The following RBFOX1 variants were observed in gnomAD, a reference collection of about 807,000 sequenced individuals.
RBFOX1 encodes RNA binding fox-1 homolog 1.
RBFOX1 carries 8 observed loss-of-function variants against 57.7 expected under a neutral mutation model. That is an observed-to-expected ratio of 0.14 (90% CI 0.08 to 0.25). The LOEUF is 0.25. RBFOX1 is among the 10% of genes least tolerant of loss of function. The pLI, the probability that RBFOX1 is intolerant of heterozygous loss-of-function variation, is 1.00. For missense variants in RBFOX1, 611 were observed against 548.5 expected (o/e 1.11, Z -1.14); for synonymous variants, 326 against 222.4 (o/e 1.47, Z -4.15).
chr16:7,518,856 C>G (rs964901502), intron 5 of RBFOX1, among the ~76,000 whole-genome samples: 1 of 152,202 alleles, frequency 6.6e-6, no homozygotes, highest in South Asian at 2.1e-4. Flanking sequence ...GACCTCATCT[C>G]TACAAGAAAT....
chr16:6,955,348 G>GCACACA (rs34550051), intron 3 of RBFOX1, among the ~76,000 whole-genome samples: 32,534 of 150,062 alleles, frequency 0.22, 3,569 homozygotes, highest in Middle Eastern at 0.3. Flanking sequence ...CCCCACATAT[G>GCACACA]CACACACACA....
At chr16:7,210,295 G>A (rs559792408) in intron 4 of RBFOX1, among the ~76,000 whole-genome samples, 2 of 152,260 alleles carry the variant, frequency 1.3e-5, no homozygotes, top group African/African-American at 4.8e-5. Context: ...CATGGGCCAG[G>A]CCATCAGGAA....
intron 2 of RBFOX1, among the ~76,000 whole-genome samples, chr16:6,643,173 A>G (rs2098506281): frequency 5.9e-5 from 9 of 152,232 alleles, no homozygotes; most frequent in Admixed American, 5.9e-4. Context: ...TTGAAGGCAC[A>G]GAAAGATTGA....
At chr16:5,913,832 C>T (rs991339756) in intron 4 of RBFOX1, among the ~76,000 whole-genome samples, 3 of 152,324 alleles carry the variant, frequency 2.0e-5, no homozygotes, top group Non-Finnish European at 2.9e-5. Flanking sequence ...ACATTGTCTT[C>T]GTACCTATCA....
intron 3 of RBFOX1, among the ~76,000 whole-genome samples, chr16:6,674,757 G>A (rs189881687): frequency 2.0e-5 from 3 of 152,294 alleles, no homozygotes; most frequent in African/African-American, 7.2e-5. Flanking sequence ...CTGGCCACCA[G>A]CAGAAGCTAC....
At chr16:7,069,884 T>C (rs2056966851) in intron 4 of RBFOX1, among the ~76,000 whole-genome samples, 1 of 152,218 alleles carries the variant, frequency 6.6e-6, no homozygotes, top group South Asian at 2.1e-4. Context: ...AATTTGCGCT[T>C]GAATTTTACC....
At position 7,169,573 on chromosome 16, in the gene RBFOX1, C is replaced by G. The variant is rs572377924; in HGVS notation, c.27+117475C>G. Among the ~76,000 whole-genome samples the G allele has an allele frequency of 1.4e-4, 21 of 152,292 alleles. No homozygotes were observed. The South Asian group carries it at 4.3e-3, about 32-fold the overall frequency. On this transcript the variant is annotated intron_variant, in intron 4 of 15. Transcript: ENST00000550418. Reference sequence around the variant, plus strand: ...AAACAGTGATGTACATGATTAATTGCATCTTCAACACATTCCTACCAGGTA... The same window carrying G: ...AAACAGTGATGTACATGATTAATTGGATCTTCAACACATTCCTACCAGGTA...
At chr16:6,786,799 A>T (rs1013872326) in intron 3 of RBFOX1, among the ~76,000 whole-genome samples, 1 of 152,198 alleles carries the variant, frequency 6.6e-6, no homozygotes, top group African/African-American at 2.4e-5. Flanking sequence ...ATGAGGTCAC[A>T]TCGAGGGTCA....
intron 1 of RBFOX1, among the ~76,000 whole-genome samples, chr16:6,074,278 T>C (rs1191525865): frequency 6.6e-6 from 1 of 152,144 alleles, no homozygotes; most frequent in Non-Finnish European, 1.5e-5. Flanking sequence ...CCCCTCTCTG[T>C]TTCTTGCACA....
intron 3 of RBFOX1, among the ~76,000 whole-genome samples, chr16:5,742,062 C>G (rs1206284746): frequency 1.3e-5 from 2 of 152,128 alleles, no homozygotes; most frequent in Non-Finnish European, 2.9e-5. Context: ...TTAAAAAATG[C>G]TATATCCATA....
At chr16:5,502,004 T>G (rs2151700124) in intron 2 of RBFOX1, among the ~76,000 whole-genome samples, 1 of 152,014 alleles carries the variant, frequency 6.6e-6, no homozygotes, top group South Asian at 2.1e-4. Context: ...ATTACAGGCA[T>G]GAGCCACCAT....
At chr16:6,336,923 T>C (rs186079377) in intron 2 of RBFOX1, among the ~76,000 whole-genome samples, 2 of 152,332 alleles carry the variant, frequency 1.3e-5, no homozygotes, top group East Asian at 3.9e-4. Context: ...ATATCATTTA[T>C]TGGCAATCTA....
chr16:7,492,758 T>A (rs1190083065), intron 4 of RBFOX1, among the ~76,000 whole-genome samples: 1 of 152,068 alleles, frequency 6.6e-6, no homozygotes, highest in Admixed American at 6.6e-5. Flanking sequence ...GCGGTTGGCA[T>A]CTTCCCCTTC....
chr16:7,397,503 A>C (rs981212427), intron 4 of RBFOX1, among the ~76,000 whole-genome samples: 3 of 152,326 alleles, frequency 2.0e-5, no homozygotes, highest in African/African-American at 7.2e-5. Context: ...AAATGAAAAG[A>C]ACCCACTGGT....
At chr16:7,395,087 A>G (rs1437037852) in intron 4 of RBFOX1, among the ~76,000 whole-genome samples, 2 of 151,992 alleles carry the variant, frequency 1.3e-5, no homozygotes, top group Non-Finnish European at 2.9e-5. Flanking sequence ...GATTCAAACC[A>G]ATTTTTTTTT....
chr16:5,301,473 G>A (rs905565740), intron 1 of RBFOX1, among the ~76,000 whole-genome samples: 5 of 152,024 alleles, frequency 3.3e-5, no homozygotes, highest in African/African-American at 1.2e-4. Context: ...CAAAAAATTA[G>A]CCAAGTGTGG....
rs993751855 is a variant in RBFOX1 at position 7,311,487 on chromosome 16, T to TG, written c.28-206660_28-206659insG. Among the ~76,000 whole-genome samples, 9 of 150,360 alleles carry TG rather than the reference T, an allele frequency of 6.0e-5. No individual in the cohort carries two copies. In the East Asian group the frequency reaches 1.8e-3, roughly 29 times the overall value. On this transcript the variant is annotated intron_variant, in intron 4 of 15. Transcript: ENST00000550418. ...TCTTGATGAGCCTTTTCTTTTTTTT[T>TG]TTTTTTTTTGGCATTCGATGTTTGC... is the stretch of plus-strand genomic sequence containing the variant.
intron 2 of RBFOX1, among the ~76,000 whole-genome samples, chr16:6,360,770 C>G (rs1294178360): frequency 6.6e-6 from 1 of 152,096 alleles, no homozygotes; most frequent in Non-Finnish European, 1.5e-5. Flanking sequence ...TCTCAGATGA[C>G]TAAGGATGGG....
chr16:5,672,142 A>C (rs535139526), intron 3 of RBFOX1, among the ~76,000 whole-genome samples: 18 of 152,274 alleles, frequency 1.2e-4, no homozygotes, highest in African/African-American at 3.6e-4. Context: ...GTCTGGGGGC[A>C]GGCAGTGGAT....
Sources: allele counts gnomAD v4.1 joint callset (sites outside exome capture counted in the v4.1 genomes callset), GRCh38; gene constraint gnomAD v4.1.1; transcripts MANE v1.5; gene names NCBI Gene and HGNC (gene_info 2026-07-23, HGNC 2026-07-21).